Variants in PCP4 observed in about 807,000 individuals in gnomAD.
PCP4 encodes the protein Purkinje cell protein 4, also known as calmodulin regulator protein PCP4.
A neutral mutation model predicts 10.0 loss-of-function variants in PCP4; 8 were observed. The ratio of observed to expected loss-of-function variants is 0.80; its 90% confidence interval spans 0.47 to 1.45. PCP4 has a LOEUF of 1.45. Ranked by LOEUF, PCP4 falls within the 40% of genes most tolerant of loss-of-function variation. The pLI, the probability that PCP4 is intolerant of heterozygous loss-of-function variation, is 0.00. For missense variants in PCP4, 54 were observed against 74.4 expected, an observed-to-expected ratio of 0.73 and a Z score of 1.01; for synonymous variants, 21 against 23.0, an observed-to-expected ratio of 0.91 and a Z score of 0.24.
intron 1 of PCP4, among the ~76,000 whole-genome samples, chr21:39,897,989 C>T (rs559217367): frequency 1.2e-4 from 17 of 137,238 alleles, no homozygotes; most frequent in African/African-American, 3.3e-4. Flanking sequence ...GAGGTTGCAG[C>T]GAGCCAAGAT....
rs536512134 is a variant in PCP4 at position 39,882,263 on chromosome 21, T to C, written c.9+14753T>C. Among the ~76,000 whole-genome samples the C allele has an allele frequency of 8.5e-5, 13 of 152,356 alleles. 1 individual carries two copies. Among genetic ancestry groups the C allele is most frequent in the African/African-American group, 3.1e-4 (13 of 41,592 alleles). On this transcript the variant is annotated intron_variant, in intron 1 of 2. Coordinates refer to ENST00000328619, the MANE Select transcript of PCP4 (RefSeq NM_006198.3). ...TTGATGAGGATGCCGAGTGCAGCGG[T>C]ACATTACGCTTGGCTCAACCGTGGC...
At chr21:39,919,879 CGT>C (rs1467959242) in intron 2 of PCP4, among the ~76,000 whole-genome samples, 4 of 136,270 alleles carry the variant, frequency 2.9e-5, no homozygotes, top group African/African-American at 1.1e-4. Context: ...TGTATGAGTG[CGT>C]GTGGTGAGGG....
chr21:39,891,936 A>G (rs1326902072), intron 1 of PCP4, among the ~76,000 whole-genome samples: 1 of 152,250 alleles, frequency 6.6e-6, no homozygotes. Context: ...AAGGAGTGTG[A>G]CCATTGAAGC....
chr21:39,897,918 C>T (rs184827334), intron 1 of PCP4, among the ~76,000 whole-genome samples: 186 of 151,610 alleles, frequency 1.2e-3, no homozygotes, highest in African/African-American at 4.2e-3. Context: ...TGGTCGTGGG[C>T]GCCTGTAGTC....
At chr21:39,880,198 CTA>C (rs1218974505) in intron 1 of PCP4, among the ~76,000 whole-genome samples, 2 of 142,228 alleles carry the variant, frequency 1.4e-5, no homozygotes, top group African/African-American at 6.1e-5. Context: ...CTATCTATAT[CTA>C]TTCCCTGTCC....
At chr21:39,908,935 G>T (rs959299561) in intron 2 of PCP4, among the ~76,000 whole-genome samples, 1 of 152,186 alleles carries the variant, frequency 6.6e-6, no homozygotes, top group Non-Finnish European at 1.5e-5. Context: ...AGGATCAGCT[G>T]CTTAAAAATA....
intron 2 of PCP4, among the ~76,000 whole-genome samples, chr21:39,905,011 A>G (rs967625510): frequency 1.3e-5 from 2 of 152,200 alleles, no homozygotes; most frequent in African/African-American, 4.8e-5. Context: ...AAAGTCATTA[A>G]TGTCTAAGGT....
At chr21:39,922,754 G>A (rs2087602405) in intron 2 of PCP4, among the ~76,000 whole-genome samples, 1 of 152,202 alleles carries the variant, frequency 6.6e-6, no homozygotes, top group Non-Finnish European at 1.5e-5. Context: ...CACAGGTAAT[G>A]GACAGGTAGC....
chr21:39,883,976 A>G (rs1385923105), intron 1 of PCP4, among the ~76,000 whole-genome samples: 1 of 152,138 alleles, frequency 6.6e-6, no homozygotes, highest in Non-Finnish European at 1.5e-5. Context: ...ATTCTCATGT[A>G]ATAAAAACAG....
chr21:39,896,426 C>T (rs183468620), intron 1 of PCP4, among the ~76,000 whole-genome samples: 133 of 152,226 alleles, frequency 8.7e-4, no homozygotes, highest in Middle Eastern at 6.8e-3. Flanking sequence ...AGATTTCCAC[C>T]CAGTGCAGCA....
At chr21:39,882,738 G>T (rs889207968) in intron 1 of PCP4, among the ~76,000 whole-genome samples, 32 of 152,182 alleles carry the variant, frequency 2.1e-4, no homozygotes, top group African/African-American at 7.5e-4. Flanking sequence ...GTGTAAGAAA[G>T]ACTTACCCTT....
At chr21:39,872,626 T>C (rs966506840) in intron 1 of PCP4, among the ~76,000 whole-genome samples, 1 of 152,244 alleles carries the variant, frequency 6.6e-6, no homozygotes, top group African/African-American at 2.4e-5. Flanking sequence ...TAGTATTGAT[T>C]AGAAGCATCC....
chr21:39,874,137 C>T (rs2087333340), intron 1 of PCP4, among the ~76,000 whole-genome samples: 1 of 152,174 alleles, frequency 6.6e-6, no homozygotes, highest in South Asian at 2.1e-4. Context: ...GAAGCAAAAG[C>T]TGTGAACTGT....
At chr21:39,909,312 G>T (rs549959434) in intron 2 of PCP4, among the ~76,000 whole-genome samples, 2 of 152,242 alleles carry the variant, frequency 1.3e-5, no homozygotes, top group South Asian at 4.1e-4. Context: ...TGAGCACACC[G>T]TTTTCTTACA....
intron 2 of PCP4, among the ~76,000 whole-genome samples, chr21:39,915,423 G>A (rs1013152308): frequency 3.3e-5 from 5 of 152,144 alleles, no homozygotes; most frequent in Admixed American, 6.6e-5. Flanking sequence ...GTTTCCTGAT[G>A]AATTATACAC....
Position 39,887,001 on chromosome 21 carries a change from G to C in PCP4, c.10-11475G>C, listed in dbSNP as rs1181022711. Among the ~76,000 whole-genome samples the C allele has an allele frequency of 2.6e-5, 4 of 152,066 alleles. No individual in the cohort carries two copies. The East Asian group carries it at 7.7e-4, about 29-fold the overall frequency. On this transcript the variant is annotated intron_variant, in intron 1 of 2. Transcript: ENST00000328619. Reference sequence around the variant, plus strand: ...TGCAAATAGAAAACAGTGTTCTTCAGCATGAAAATTGGCACAAAGAAGAAT... The same window carrying C: ...TGCAAATAGAAAACAGTGTTCTTCACCATGAAAATTGGCACAAAGAAGAAT...
Position 39,916,150 on chromosome 21 carries a change from A to T in PCP4, c.62-12834A>T, listed in dbSNP as rs79365897. ...CTGCTGATTCCTGGGAAGGAATTTC[A>T]ATTCTTTCCATGTGCTCAGAGAGAA... On this transcript the variant is annotated intron_variant, in intron 2 of 2. Coordinates refer to ENST00000328619, the MANE Select transcript of PCP4 (RefSeq NM_006198.3). 7.2e-3 allele frequency: 1,099 copies of T among 152,166 alleles called. 10 individuals are homozygous for T. The highest frequency in any genetic ancestry group is 0.024 in the African/African-American group (1,009 of 41,514). 9.4% of individuals were successfully genotyped at this position (152,166 alleles called of 1,614,324 possible). A position where few individuals can be genotyped will look rare whatever the true frequency, so the allele number is the denominator to read the frequency against.
chr21:39,886,811 T>C lies in PCP4; in HGVS notation c.10-11665T>C, dbSNP rs1311608255. Reference sequence around the variant, plus strand: ...TATATATATGGCATGTGGTTGGTTTTATAAAAGAGAGACTATATATATGTC... The same window carrying C: ...TATATATATGGCATGTGGTTGGTTTCATAAAAGAGAGACTATATATATGTC... On this transcript the variant is annotated intron_variant, in intron 1 of 2. Coordinates refer to ENST00000328619, the MANE Select transcript of PCP4 (RefSeq NM_006198.3). Among the ~76,000 whole-genome samples, 6 of 152,208 alleles carry C rather than the reference T, an allele frequency of 3.9e-5. No homozygotes were observed. The East Asian group carries it at 9.6e-4, about 24-fold the overall frequency.
chr21:39,920,522 A>G (rs1308108625), intron 2 of PCP4, among the ~76,000 whole-genome samples: 1 of 151,886 alleles, frequency 6.6e-6, no homozygotes, highest in Non-Finnish European at 1.5e-5. Context: ...TGCTGTGGTG[A>G]TTTATTGCTG....
Sources: allele counts gnomAD v4.1 joint callset (sites outside exome capture counted in the v4.1 genomes callset), GRCh38; gene constraint gnomAD v4.1.1; transcripts MANE v1.5; gene names NCBI Gene and HGNC (gene_info 2026-07-23, HGNC 2026-07-21).